Variants in ARHGAP23 observed in about 807,000 individuals in gnomAD.
ARHGAP23 encodes the protein Rho GTPase activating protein 23, also known as rho GTPase-activating protein 23.
In ARHGAP23, 34 loss-of-function variants were observed where a neutral mutation model predicts 136.3. The ratio of observed to expected loss-of-function variants is 0.25; its 90% CI spans 0.19 to 0.33. ARHGAP23 has a LOEUF of 0.33. Ranked by LOEUF, ARHGAP23 falls within the 10% of genes least tolerant of loss-of-function variation. The pLI is 1.00. For synonymous variants in ARHGAP23, 832 were observed against 920.5 expected, an observed-to-expected ratio of 0.90 and a Z score of 1.74; for missense variants, 1,808 against 2,139.0, an observed-to-expected ratio of 0.85 and a Z score of 3.05.
At chr17:38,501,351 G>A (rs1194509836) in intron 23 of ARHGAP23, among the ~76,000 whole-genome samples, 1 of 151,884 alleles carries the variant, frequency 6.6e-6, no homozygotes, top group Admixed American at 6.6e-5. Context: ...ACCCAGGCTG[G>A]AGTGCAGTGG....
At position 38,477,558 on chromosome 17, in the gene ARHGAP23, C is replaced by A; in HGVS notation, c.2119-21C>A. ...GGCCTCTCACCATTCCTGTCTCCCC[C>A]AACCCCGTGTCTCCCTGCAGAAAGC... On this transcript the variant is annotated intron_variant, in intron 11 of 23. Coordinates refer to ENST00000622683, the MANE Select transcript of ARHGAP23 (RefSeq NM_001199417.2). The surrounding 1 kb of genome is among the most constrained non-coding windows in gnomAD (Gnocchi z 6.6). 7.9e-7 allele frequency: 1 copy of A among 1,262,116 alleles called. No homozygotes were observed. Among genetic ancestry groups the A allele is most frequent in the South Asian group, 2.4e-5 (1 of 41,278 alleles). 78.2% of individuals were successfully genotyped at this position (1,262,116 alleles called of 1,614,324 possible). A position where few individuals can be genotyped will look rare whatever the true frequency, so the allele number is the denominator to read the frequency against.
Position 38,466,449 on chromosome 17 carries a change from G to T in ARHGAP23, c.766G>T (p.Ala256Ser). Residue 256 changes from alanine to serine, a missense_variant, in exon 7 of 24, where the codon GCC (alanine) becomes TCC (serine). This residue lies in a region of ARHGAP23 where 859 missense variants were observed against 936.4 expected (regional missense o/e 0.92). Coordinates refer to ENST00000622683, the MANE Select transcript of ARHGAP23 (RefSeq NM_001199417.2). ...GMSQPRPSPG[A>S]FPHLSSEPRT... is the part of the protein sequence containing the mutation. ...GAGCCAGCCCCGCCCCAGCCCTGGT[G>T]CCTTCCCCCACCTCTCCTCGGAGCC... is the stretch of plus-strand genomic sequence containing the variant. 2.0e-6 allele frequency: 3 copies of T among 1,524,772 alleles called. No homozygotes were observed. The highest frequency in any genetic ancestry group is 1.8e-6 in the Non-Finnish European group (2 of 1,138,776). The allele number at this position is 1,524,772 out of a possible 1,614,324, so 94.5% of individuals were successfully genotyped here. A position where few individuals can be genotyped will look rare whatever the true frequency, so the allele number is the denominator to read the frequency against.
intron 1 of ARHGAP23, among the ~76,000 whole-genome samples, chr17:38,439,532 C>A (rs1370628242): frequency 5.3e-5 from 8 of 152,182 alleles, no homozygotes; most frequent in Non-Finnish European, 1.2e-4. Context: ...ATAATAATAA[C>A]AATGGGAGTA....
chr17:38,472,769 T>A (rs1284130907), intron 11 of ARHGAP23, among the ~76,000 whole-genome samples: 4 of 152,206 alleles, frequency 2.6e-5, no homozygotes, highest in Admixed American at 2.6e-4. Context: ...CCCATTGCTC[T>A]GAGAGCCTGG....
In ARHGAP23 at chr17:38,469,223, A is replaced by G; in HGVS notation, c.1728A>G (p.Ser576=). The change falls in exon 8 of 24, where the codon TCA becomes TCG. Residue 576 remains serine, a synonymous_variant. Coordinates refer to ENST00000622683, the MANE Select transcript of ARHGAP23 (RefSeq NM_001199417.2). The part of the protein sequence containing the change: ...ASAVVSSAMN[S]APVLGTSPSS... ...CTGTGGTCTCCAGTGCCATGAACTC[A>G]GCCCCTGTCCTGGGCACCAGCCCAT... 6.4e-7 allele frequency: 1 copy of G among 1,551,604 alleles called. No homozygotes were observed.
chr17:38,477,718 C>T lies in ARHGAP23; in HGVS notation c.2258C>T (p.Ala753Val), dbSNP rs1470941881. The change falls in exon 12 of 24, where the codon GCG becomes GTG. Residue 753 changes from alanine (A) to valine (V), a missense_variant. By Grantham distance (64) the Ala-to-Val change is moderately conservative. Transcript: ENST00000622683. The surrounding 1 kb of genome is among the most constrained non-coding windows in gnomAD (Gnocchi z 6.6). ...GCGGCCGGCGCAGGTGAGGACGAGG[C>T]GGCGCCCGTCTGCATCGGCTCCTGC... Reference protein sequence around the residue: ...AAAAGAGEDEAAPVCIGSCLV... With the variant: ...AAAAGAGEDEVAPVCIGSCLV... 11 of 1,542,222 alleles carry T rather than the reference C, an allele frequency of 7.1e-6. No homozygotes were observed. Among genetic ancestry groups the T allele is most frequent in the African/African-American group, 4.1e-5 (3 of 72,742 alleles).
intron 21 of ARHGAP23, 128 bp from the exon 22 acceptor site, chr17:38,498,286 C>T (rs557137165): frequency 1.3e-4 from 87 of 661,756 alleles, no homozygotes; most frequent in East Asian, 1.1e-3. Flanking sequence ...ATGAGGGAGA[C>T]GGTCCCTGCC....
Position 38,469,995 on chromosome 17 carries a change from G to A in ARHGAP23, c.1974+91G>A, listed in dbSNP as rs535046163. The A allele has an allele frequency of 4.3e-5, 63 of 1,449,908 alleles. 1 individual carries two copies. In the Admixed American group the frequency reaches 1.2e-3, roughly 28 times the overall value. 89.8% of individuals were successfully genotyped at this position (1,449,908 alleles called of 1,614,324 possible). ...GTGGGGCCACAGCCTCGGCATGGGG[G>A]TTCCTGCTCCAGCTCCTGCCTTCCT... On this transcript the variant is annotated intron_variant, in intron 10 of 23. Transcript: ENST00000622683.
intron 23 of ARHGAP23, among the ~76,000 whole-genome samples, chr17:38,509,073 T>G: frequency 6.9e-6 from 1 of 145,744 alleles, no homozygotes; most frequent in Non-Finnish European, 1.5e-5. Context: ...AAGAAGAACC[T>G]CCCAAGAGGC....
chr17:38,503,140 A>G (rs1321817871), intron 23 of ARHGAP23, among the ~76,000 whole-genome samples: 5 of 152,218 alleles, frequency 3.3e-5, no homozygotes, highest in Admixed American at 2.0e-4. Flanking sequence ...AGAGAGAGGA[A>G]GAGCTGGGCC....
chr17:38,493,418 C>T (rs1171481014), intron 20 of ARHGAP23, among the ~76,000 whole-genome samples: 1 of 152,116 alleles, frequency 6.6e-6, no homozygotes, highest in African/African-American at 2.4e-5. Context: ...TCTTGAACTC[C>T]TGGACTCAAG....
intron 1 of ARHGAP23, among the ~76,000 whole-genome samples, chr17:38,445,384 G>C (rs2039010533): frequency 6.6e-6 from 1 of 151,360 alleles, no homozygotes; most frequent in African/African-American, 2.4e-5. Context: ...GGCTGAGGCA[G>C]GAGAATCGCT....
At chr17:38,459,632 C>T (rs2039411653) in intron 2 of ARHGAP23, among the ~76,000 whole-genome samples, 1 of 152,240 alleles carries the variant, frequency 6.6e-6, no homozygotes, top group African/African-American at 2.4e-5. Flanking sequence ...GAGTCTAGGG[C>T]TGGAAGACCT....
At chr17:38,487,948 C>G (rs1353987739) in intron 17 of ARHGAP23, among the ~76,000 whole-genome samples, 1 of 152,136 alleles carries the variant, frequency 6.6e-6, no homozygotes. Flanking sequence ...GTTGCCCAGA[C>G]TGGAATGCAG....
rs2040753011 is a variant in ARHGAP23, at chr17:38,510,964, T to C, written c.4468T>C (p.Cys1490Arg). 2.8e-6 allele frequency: 4 copies of C among 1,447,514 alleles called. No individual in the cohort carries two copies. The highest frequency in any genetic ancestry group is 3.6e-6 in the Non-Finnish European group (4 of 1,112,784). The allele number at this position is 1,447,514 out of a possible 1,614,324, so 89.7% of individuals were successfully genotyped here. ...CTCGGCCGCCTCCCGCCTGCATCAGTGTCTGTGATCCCCACCTCCCGCGCC... is the reference window on the plus strand; with the variant it reads ...CTCGGCCGCCTCCCGCCTGCATCAGCGTCTGTGATCCCCACCTCCCGCGCC... The part of the protein sequence containing the change: ...RRSAASRLHQ[C>R]L The change falls in exon 24 of 24, where the codon TGT (cysteine) becomes CGT (arginine). Residue 1490 changes from cysteine to arginine, a missense_variant. This residue lies in a region of ARHGAP23 where 506 missense variants were observed against 455.8 expected (regional missense o/e 1.11). Coordinates refer to ENST00000622683, the MANE Select transcript of ARHGAP23 (RefSeq NM_001199417.2). The surrounding 1 kb of genome is among the most constrained non-coding windows in gnomAD (Gnocchi z 4.6).
At chr17:38,496,056 C>A (rs1350138146) in intron 20 of ARHGAP23, among the ~76,000 whole-genome samples, 1 of 152,036 alleles carries the variant, frequency 6.6e-6, no homozygotes, top group Non-Finnish European at 1.5e-5. Context: ...CACAACCATG[C>A]CCAGCTAATT....
At chr17:38,428,905 G>C (rs896996046) in intron 1 of ARHGAP23, among the ~76,000 whole-genome samples, 1 of 151,978 alleles carries the variant, frequency 6.6e-6, no homozygotes, top group Non-Finnish European at 1.5e-5. Flanking sequence ...CGGGGCGCCT[G>C]CCGCCGTTTC....
rs1054100946 is a variant in ARHGAP23, at chr17:38,466,406, C to T, written c.723C>T (p.Asp241=). ...CACCTGCTGCCCGTGCCCACCTGGA[C>T]AACTCTTCCTTGGGGATGAGCCAGC... ...RVPPAARAHL[D]NSSLGMSQPR... Residue 241 remains aspartate (D), a synonymous_variant, in exon 7 of 24, where the codon GAC becomes GAT. Transcript: ENST00000622683. 4.6e-6 allele frequency: 7 copies of T among 1,532,842 alleles called. No homozygotes were observed. The Admixed American group carries it at 6.0e-5, about 13-fold the overall frequency. The allele number at this position is 1,532,842 out of a possible 1,614,324, so 95.0% of individuals were successfully genotyped here.
intron 20 of ARHGAP23, among the ~76,000 whole-genome samples, chr17:38,493,305 C>T (rs562509110): frequency 9.3e-4 from 141 of 151,890 alleles, no homozygotes; most frequent in African/African-American, 3.4e-3. Context: ...CCTGCCATCT[C>T]AGCCTCCTGA....
Sources: gnomAD v4.1 joint callset for allele counts (sites outside exome capture counted in the v4.1 genomes callset) on GRCh38, gnomAD v4.1.1 for gene constraint, gnomAD v4.1.1 regional missense constraint, Gnocchi (gnomAD v3.1) non-coding constraint, MANE v1.5 for transcripts, NCBI Gene and HGNC (gene_info 2026-07-23, HGNC 2026-07-21) for gene names.